Variants in ATP2B2 observed in about 807,000 individuals in gnomAD.
The protein encoded by ATP2B2 is plasma membrane calcium-transporting ATPase 2.
ATP2B2 carries 15 observed loss-of-function variants against 120.0 expected under a neutral mutation model. That is an observed-to-expected ratio of 0.12 (90% CI 0.08 to 0.19). The LOEUF (loss-of-function observed/expected upper bound fraction) is 0.19, where lower values mean the gene tolerates loss of function less well. Ranked by LOEUF, ATP2B2 falls within the 10% of genes least tolerant of loss-of-function variation. The probability of loss-of-function intolerance (pLI) is 1.00; values close to 1 mark genes in which losing one functional copy is unlikely to be tolerated. For missense variants in ATP2B2, 1,045 were observed against 1,719.8 expected (o/e 0.61, Z 6.94); for synonymous variants, 694 against 700.3 (o/e 0.99, Z 0.14).
intron 1 of ATP2B2, among the ~76,000 whole-genome samples, chr3:10,501,923 T>C (rs982872939): frequency 6.6e-6 from 1 of 152,114 alleles, no homozygotes; most frequent in Non-Finnish European, 1.5e-5. Context: ...CCTGTGGAAA[T>C]GTAGCCCCTG....
At position 10,401,059 on chromosome 3, in the gene ATP2B2, G is replaced by A. The variant is rs758211761; in HGVS notation, c.675C>T (p.Asp225=). Residue 225 remains aspartate, a synonymous_variant, in exon 5 of 23, where the codon GAC becomes GAT. Transcript: ENST00000360273. Reference sequence around the variant, plus strand: ...GGTCATTGCCCTGGATGAAGAGGCCGTCGGCAGGGAGGAGGTCACCTGGCA... The same window carrying A: ...GGTCATTGCCCTGGATGAAGAGGCCATCGGCAGGGAGGAGGTCACCTGGCA... ...QVKYGDLLPA[D]GLFIQGNDLK... is the part of the protein sequence containing the mutation. 3 of 1,613,914 alleles carry A rather than the reference G, an allele frequency of 1.9e-6. No individual in the cohort carries two copies. The highest frequency in any genetic ancestry group is 2.2e-5 in the East Asian group (1 of 44,888).
Position 10,375,317 on chromosome 3 carries a change from G to A in ATP2B2, c.1416+113C>T. The A allele has an allele frequency of 3.4e-6, 3 of 881,714 alleles. No homozygotes were observed. The highest frequency in any genetic ancestry group is 5.5e-6 in the Non-Finnish European group (3 of 544,182). 54.6% of individuals were successfully genotyped at this position (881,714 alleles called of 1,614,324 possible). A position where few individuals can be genotyped will look rare whatever the true frequency, so the allele number is the denominator to read the frequency against. On this transcript the variant is annotated intron_variant, in intron 11 of 22. Coordinates refer to ENST00000360273, the MANE Select transcript of ATP2B2 (RefSeq NM_001001331.4). This position sits in a 1 kb window ranked among gnomAD's most constrained non-coding sequence, Gnocchi z 4.2. ...CATTCTTCTTCCAAGCTCCTAGGGG[G>A]TCTATGGGGCTTCTTCGTTCATCTC...
intron 2 of ATP2B2, among the ~76,000 whole-genome samples, chr3:10,563,273 T>C (rs910314885): frequency 2.0e-5 from 3 of 152,036 alleles, no homozygotes; most frequent in African/African-American, 7.2e-5. Flanking sequence ...TTAAGTGACT[T>C]TTGCATGGTC....
chr3:10,393,015 CCTT>C (rs2061906775), intron 5 of ATP2B2, among the ~76,000 whole-genome samples: 1 of 152,218 alleles, frequency 6.6e-6, no homozygotes, highest in Non-Finnish European at 1.5e-5. Context: ...GCTCCACAGT[CCTT>C]CACTTGACGG....
At position 10,371,832 on chromosome 3, in the gene ATP2B2, T is replaced by C; in HGVS notation, c.1636A>G (p.Ser546Gly). 1 of 1,614,128 alleles carries C rather than the reference T, an allele frequency of 6.2e-7. No homozygotes were observed. The highest frequency in any genetic ancestry group is 8.5e-7 in the Non-Finnish European group (1 of 1,180,014). Residue 546 changes from serine to glycine, a missense_variant, in exon 12 of 23, where the codon AGC (serine) becomes GGC (glycine). Physicochemically the swap from Ser to Gly is moderately conservative, Grantham distance 56 (BLOSUM62 0). Around this residue, in one of 11 missense-constraint regions of ATP2B2, gnomAD observed 343 missense variants for 536.8 expected, o/e 0.64. Coordinates refer to ENST00000360273, the MANE Select transcript of ATP2B2 (RefSeq NM_001001331.4). Reference sequence around the variant, plus strand: ...ACCAGAATCTTGGTGGTGTAGGCGCTGTTGATGGCGATGGCATTGATCAGC... The same window carrying C: ...ACCAGAATCTTGGTGGTGTAGGCGCCGTTGATGGCGATGGCATTGATCAGC... ...ELLINAIAIN[S>G]AYTTKILPPE...
At chr3:10,702,909 C>T (rs572306210) in intron 1 of ATP2B2, among the ~76,000 whole-genome samples, 3 of 152,290 alleles carry the variant, frequency 2.0e-5, no homozygotes, top group East Asian at 3.9e-4. Flanking sequence ...TGCATTCCCC[C>T]ACTCCCATCA....
intron 2 of ATP2B2, among the ~76,000 whole-genome samples, chr3:10,603,454 C>T (rs1437845094): frequency 6.6e-6 from 1 of 152,232 alleles, no homozygotes; most frequent in Admixed American, 6.5e-5. Context: ...AATTTGCACA[C>T]TCATTGTTGG....
intron 1 of ATP2B2, among the ~76,000 whole-genome samples, chr3:10,463,521 T>C (rs908664547): frequency 6.6e-6 from 1 of 152,220 alleles, no homozygotes; most frequent in Non-Finnish European, 1.5e-5. Flanking sequence ...GGAGCTTCTA[T>C]TGGTATCCCC....
chr3:10,589,364 G>A (rs2068589017), intron 2 of ATP2B2, among the ~76,000 whole-genome samples: 1 of 152,212 alleles, frequency 6.6e-6, no homozygotes, highest in Admixed American at 6.5e-5. Context: ...ATATAGAGAT[G>A]ACTAAGGTAC....
intron 1 of ATP2B2, among the ~76,000 whole-genome samples, chr3:10,623,303 C>T (rs546176467): frequency 6.6e-6 from 1 of 152,210 alleles, no homozygotes; most frequent in Non-Finnish European, 1.5e-5. Context: ...AGCAATACTC[C>T]CACCTTGGCC....
intron 2 of ATP2B2, among the ~76,000 whole-genome samples, chr3:10,545,125 C>T (rs147851070): frequency 1.4e-4 from 21 of 152,260 alleles, no homozygotes; most frequent in East Asian, 3.9e-4. Flanking sequence ...AGAAGAAAGT[C>T]GGAAAGAAGC....
At chr3:10,437,651 A>G (rs1331157942) in intron 2 of ATP2B2, among the ~76,000 whole-genome samples, 1 of 152,234 alleles carries the variant, frequency 6.6e-6, no homozygotes, top group Admixed American at 6.5e-5. Context: ...CGAAAGCTTC[A>G]GTTCTGAGGA....
chr3:10,339,919 A>G (rs1404191206), intron 21 of ATP2B2, among the ~76,000 whole-genome samples: 1 of 152,228 alleles, frequency 6.6e-6, no homozygotes, highest in Non-Finnish European at 1.5e-5. Flanking sequence ...ATTTATGACA[A>G]GTGATACTGA....
At chr3:10,546,917 A>T (rs1300987077) in intron 2 of ATP2B2, among the ~76,000 whole-genome samples, 1 of 152,194 alleles carries the variant, frequency 6.6e-6, no homozygotes, top group East Asian at 1.9e-4. Flanking sequence ...GCCATCAGTG[A>T]GCACTGAGCA....
chr3:10,650,452 G>T (rs2070427350), intron 1 of ATP2B2, among the ~76,000 whole-genome samples: 2 of 152,178 alleles, frequency 1.3e-5, no homozygotes. Flanking sequence ...AGTTTTAAAA[G>T]GGAAACAGAG....
At chr3:10,685,161 G>A (rs1228087822) in intron 1 of ATP2B2, among the ~76,000 whole-genome samples, 3 of 152,196 alleles carry the variant, frequency 2.0e-5, no homozygotes, top group Non-Finnish European at 4.4e-5. Flanking sequence ...TTTAATCCCT[G>A]GGGTTGCTGT....
intron 2 of ATP2B2, among the ~76,000 whole-genome samples, chr3:10,535,403 G>C (rs1378066164): frequency 2.0e-5 from 3 of 151,986 alleles, no homozygotes; most frequent in African/African-American, 7.3e-5. Context: ...GTGTGTGTGT[G>C]TGTGTGTGTG....
intron 2 of ATP2B2, among the ~76,000 whole-genome samples, chr3:10,590,508 C>T (rs185996717): frequency 1.3e-5 from 2 of 152,370 alleles, no homozygotes; most frequent in Non-Finnish European, 2.9e-5. Context: ...TGGGCCATTT[C>T]TTCCTCCTGT....
intron 12 of ATP2B2, among the ~76,000 whole-genome samples, chr3:10,370,729 G>T (rs570640229): frequency 6.6e-6 from 1 of 152,340 alleles, no homozygotes; most frequent in East Asian, 1.9e-4. Flanking sequence ...GGTTGCAGCT[G>T]GCTCAGGGGC....
Sources: allele counts gnomAD v4.1 joint callset (sites outside exome capture counted in the v4.1 genomes callset), GRCh38; gene constraint gnomAD v4.1.1; regional missense constraint gnomAD v4.1.1; non-coding constraint Gnocchi (gnomAD v3.1); transcripts MANE v1.5; gene names NCBI Gene and HGNC (gene_info 2026-07-23, HGNC 2026-07-21).